SRPK2: variants seen among roughly 807,000 people sequenced by gnomAD.
SRPK2 encodes SFRS protein kinase 2.
Under a neutral mutation model 90.8 loss-of-function variants are expected in SRPK2, and 21 were observed. That is an observed-to-expected ratio of 0.23 (90% CI 0.16 to 0.33). The LOEUF is 0.33. Ranked by LOEUF, SRPK2 falls within the 10% of genes least tolerant of loss-of-function variation. The pLI is 1.00. For synonymous variants in SRPK2, 288 were observed against 311.1 expected, an observed-to-expected ratio of 0.93 and a Z score of 0.78; for missense variants, 620 against 869.0, an observed-to-expected ratio of 0.71 and a Z score of 3.60.
chr7:105,244,949 A>T, intron 2 of SRPK2: 1 of 1,464,578 alleles, frequency 6.8e-7, no homozygotes. Flanking sequence ...CCATGAGGAA[A>T]GCCGCTGCCA....
chr7:105,167,713 T>A (rs1038364724), intron 5 of SRPK2, among the ~76,000 whole-genome samples: 8 of 152,046 alleles, frequency 5.3e-5, no homozygotes, highest in Non-Finnish European at 1.2e-4. Context: ...CAGGTTCAAG[T>A]GATACTCATG....
intron 7 of SRPK2, among the ~76,000 whole-genome samples, chr7:105,153,510 T>G (rs943069325): frequency 6.6e-6 from 1 of 152,212 alleles, no homozygotes; most frequent in African/African-American, 2.4e-5. Context: ...TGTAGATAAG[T>G]CGGGGAACAG....
intron 3 of SRPK2, among the ~76,000 whole-genome samples, chr7:105,203,329 C>G (rs1478810911): frequency 6.6e-6 from 1 of 152,148 alleles, no homozygotes; most frequent in Non-Finnish European, 1.5e-5. Context: ...CTCTAACTGT[C>G]CTGCTGTATA....
chr7:105,254,665 GTTT>G (rs145583576), intron 2 of SRPK2, among the ~76,000 whole-genome samples: 3 of 148,942 alleles, frequency 2.0e-5, no homozygotes, highest in African/African-American at 7.3e-5. Flanking sequence ...ACATCTGCTT[GTTT>G]TTTTTTTGTT....
chr7:105,298,087 G>A (rs554509185), intron 2 of SRPK2, among the ~76,000 whole-genome samples: 1 of 152,218 alleles, frequency 6.6e-6, no homozygotes, highest in Admixed American at 6.5e-5. Flanking sequence ...GTTCAGCTGG[G>A]TAAGTTTTGA....
chr7:105,392,249 A>G (rs1254308916), upstream of SRPK2, among the ~76,000 whole-genome samples: 1 of 152,186 alleles, frequency 6.6e-6, no homozygotes, highest in Non-Finnish European at 1.5e-5. Flanking sequence ...TTTTGGTGTG[A>G]TGAAGATGTT....
chr7:105,188,328 G>A (rs913774321), intron 3 of SRPK2, among the ~76,000 whole-genome samples: 18 of 151,980 alleles, frequency 1.2e-4, no homozygotes, highest in African/African-American at 7.3e-5. Context: ...AAGGGTTGTA[G>A]AGGGGAGGAG....
At chr7:105,335,023 T>A (rs1390218525) in intron 2 of SRPK2, among the ~76,000 whole-genome samples, 33 of 151,084 alleles carry the variant, frequency 2.2e-4, no homozygotes, top group Admixed American at 2.2e-3. Context: ...ACAAAAAAAT[T>A]AGCCAGGTGT....
intron 2 of SRPK2, among the ~76,000 whole-genome samples, chr7:105,326,468 G>A (rs1416760686): frequency 6.6e-6 from 1 of 152,142 alleles, no homozygotes; most frequent in African/African-American, 2.4e-5. Flanking sequence ...GGATAGACAA[G>A]GCTCAGAGAA....
intron 2 of SRPK2, among the ~76,000 whole-genome samples, chr7:105,207,879 C>T (rs925719838): frequency 2.0e-5 from 3 of 152,102 alleles, no homozygotes; most frequent in Admixed American, 1.3e-4. Flanking sequence ...GGGGGAAGTA[C>T]TTGTAAATCA....
At chr7:105,313,584 T>C (rs760681793) in intron 2 of SRPK2, among the ~76,000 whole-genome samples, 15 of 151,898 alleles carry the variant, frequency 9.9e-5, no homozygotes, top group Non-Finnish European at 1.0e-4. Context: ...ACCCCATCTC[T>C]ACTAAAATAC....
At position 105,292,497 on chromosome 7, in the gene SRPK2, CAAAAAAAAAA is replaced by C. The variant is rs397889533; in HGVS notation, c.72-88722_72-88713del. 4.8e-4 allele frequency among the ~76,000 whole-genome samples: 36 copies of C among 74,792 alleles called. No individual in the cohort carries two copies. The South Asian group carries it at 7.0e-3, about 15-fold the overall frequency. The allele number at this position is 74,792 out of a possible 152,430, so 49.1% of individuals were successfully genotyped here. Reference sequence around the variant, plus strand: ...AGCCTGGGCGATAGAGTAAGACTCTCAAAAAAAAAAAAAAAAAAAAAAAAAAGAGCATAAT... The same window carrying C: ...AGCCTGGGCGATAGAGTAAGACTCTCAAAAAAAAAAAAAAAAGAGCATAAT... On this transcript the variant is annotated intron_variant, in intron 2 of 15. Coordinates refer to ENST00000393651, the MANE Select transcript of SRPK2 (RefSeq NM_182692.3).
intron 15 of SRPK2, among the ~76,000 whole-genome samples, chr7:105,122,453 G>C (rs1468493931): frequency 6.6e-6 from 1 of 152,174 alleles, no homozygotes; most frequent in Non-Finnish European, 1.5e-5. Context: ...CTGATGGAGG[G>C]ATAAACAAGA....
At chr7:105,118,154 C>T (rs1482819699) in intron 15 of SRPK2, 132 bp from the exon 16 acceptor site, 1 of 811,532 alleles carries the variant, frequency 1.2e-6, no homozygotes, top group Admixed American at 2.8e-5. Context: ...ACAAAGAACA[C>T]CAGCTTTTCC....
chr7:105,330,940 G>A (rs1028891528), intron 2 of SRPK2, among the ~76,000 whole-genome samples: 9 of 152,112 alleles, frequency 5.9e-5, no homozygotes, highest in African/African-American at 2.2e-4. Context: ...GCTACAGTGA[G>A]CTGTGATTCT....
downstream of SRPK2, chr7:105,116,373 G>C (rs1356171408): frequency 6.6e-6 from 1 of 152,088 alleles, no homozygotes; most frequent in Non-Finnish European, 1.5e-5. Context: ...CCAAGGCAAT[G>C]TCTGGAAAAA....
chr7:105,227,893 CAAA>C (rs566478716), intron 2 of SRPK2, among the ~76,000 whole-genome samples: 6,015 of 84,776 alleles, frequency 0.071, 286 homozygotes, highest in African/African-American at 0.2. Flanking sequence ...TATCATTCAG[CAAA>C]AAAAAAAAAA....
At chr7:105,115,628 T>C (rs1030079576), downstream of SRPK2, 3 of 152,322 alleles carry the variant, frequency 2.0e-5, no homozygotes, top group South Asian at 6.2e-4. Context: ...GCCAAGAATC[T>C]GATAAAGCCA....
At chr7:105,301,104 C>T (rs2131250003) in intron 2 of SRPK2, among the ~76,000 whole-genome samples, 1 of 152,280 alleles carries the variant, frequency 6.6e-6, no homozygotes, top group South Asian at 2.1e-4. Context: ...ATAGCAAAGA[C>T]TGGGAACCAA....
Sources: allele counts gnomAD v4.1 joint callset (sites outside exome capture counted in the v4.1 genomes callset), GRCh38; gene constraint gnomAD v4.1.1; transcripts MANE v1.5; gene names NCBI Gene and HGNC (gene_info 2026-07-23, HGNC 2026-07-21).